Variants in VARS1 observed in about 807,000 individuals in gnomAD.
VARS1 encodes the protein valine--tRNA ligase.
A neutral mutation model predicts 161.0 loss-of-function variants in VARS1; 92 were observed. That is an observed-to-expected ratio of 0.57 (90% CI 0.48 to 0.68). The LOEUF (loss-of-function observed/expected upper bound fraction) is 0.68, where lower values mean the gene tolerates loss of function less well. Ranked by LOEUF, VARS1 falls within the 30% of genes least tolerant of loss-of-function variation. The pLI is 0.00. For missense variants in VARS1, 1,338 were observed against 1,695.9 expected (o/e 0.79, Z 3.71); for synonymous variants, 595 against 682.5 (o/e 0.87, Z 2.00).
chr6:31,789,959 G>C (rs1398217514), intron 8 of VARS1, among the ~76,000 whole-genome samples: 1 of 151,938 alleles, frequency 6.6e-6, no homozygotes. Flanking sequence ...GGGAGGCGGA[G>C]TTTGGAGCTT....
In VARS1 at chr6:31,779,189, C is replaced by G; in HGVS notation, c.3504G>C (p.Leu1168=). The change falls in exon 29 of 30, where the codon CTG becomes CTC. Residue 1168 remains leucine (L), a synonymous_variant. Transcript: ENST00000375663. The surrounding 1 kb of genome is among the most constrained non-coding windows in gnomAD (Gnocchi z 9.1). Reference sequence around the variant, plus strand: ...CGCAACCCTGGGGGGCGGGAGCCCCCAGGGCCAGAACAGCCACCACACCTG... The same window carrying G: ...CGCAACCCTGGGGGGCGGGAGCCCCGAGGGCCAGAACAGCCACCACACCTG... The part of the protein sequence containing the change: ...ASAGVVAVLA[L]GAPAPQGCAV... The G allele has an allele frequency of 1.2e-6, 2 of 1,606,342 alleles. No individual in the cohort carries two copies. The highest frequency in any genetic ancestry group is 1.7e-6 in the Non-Finnish European group (2 of 1,177,802).
At position 31,780,333 on chromosome 6, in the gene VARS1, ACTGT is replaced by A. The variant is rs142784966; in HGVS notation, c.2925+104_2925+107del. ...CCCAATGCGCTGGGCTTTCCCTTTA[ACTGT>A]CTGTCTCTGTGTCTATCTGTCCCCC... is the stretch of plus-strand genomic sequence containing the variant. On this transcript the variant is annotated intron_variant, in intron 25 of 29. Transcript: ENST00000375663. This position sits in a 1 kb window ranked among gnomAD's most constrained non-coding sequence, Gnocchi z 5.1. 18,475 of 1,540,526 alleles carry A rather than the reference ACTGT, an allele frequency of 0.012. 171 individuals carry two copies. The highest frequency in any genetic ancestry group is 0.033 in the South Asian group (2,659 of 79,640).
chr6:31,787,301 A>T lies in VARS1; in HGVS notation c.1101-1568T>A, dbSNP rs564290766. On this transcript the variant is annotated intron_variant, in intron 8 of 29. Coordinates refer to ENST00000375663, the MANE Select transcript of VARS1 (RefSeq NM_006295.3). ...AAGTAATGGGAGTGTCTCACATTTT[A>T]TTTAAACCACGTTCACTGGAAAAAA... is the stretch of plus-strand genomic sequence containing the variant. Among the ~76,000 whole-genome samples the T allele has an allele frequency of 4.8e-4, 73 of 152,266 alleles. 1 individual carries two copies. The highest frequency in any genetic ancestry group is 3.4e-3 in the Middle Eastern group (1 of 294).
In VARS1 at chr6:31,779,875, CTG is replaced by C. The variant is rs933083212; in HGVS notation, c.3082-63_3082-62del. Reference sequence around the variant, plus strand: ...GTCTAGCCTTGAGCCCTCGCTGTGCCTGTGAGGACTGGGAAGGGGATGGGTTG... The same window carrying C: ...GTCTAGCCTTGAGCCCTCGCTGTGCCTGAGGACTGGGAAGGGGATGGGTTG... On this transcript the variant is annotated intron_variant, in intron 26 of 29. Transcript: ENST00000375663. The surrounding 1 kb of genome is among the most constrained non-coding windows in gnomAD (Gnocchi z 9.1). 2 of 1,605,474 alleles carry C rather than the reference CTG, an allele frequency of 1.2e-6. No homozygotes were observed. Among genetic ancestry groups the C allele is most frequent in the African/African-American group, 2.7e-5 (2 of 74,692 alleles).
intron 13 of VARS1, 193 bp from the exon 14 acceptor site, chr6:31,783,379 G>A (rs566518258): frequency 2.2e-5 from 13 of 601,554 alleles, no homozygotes; most frequent in African/African-American, 5.6e-5. Context: ...GTGTGGTGAC[G>A]CGTGCCTGTA....
In VARS1 at chr6:31,791,444, A is replaced by G. The variant is rs1320844993; in HGVS notation, c.1100+166T>C. ...TGTTGCATGGGAGTACTGGACTAGG[A>G]GAGGAAGCTAAATGATCAGATTGGA... On this transcript the variant is annotated intron_variant, in intron 8 of 29. Transcript: ENST00000375663. The surrounding 1 kb of genome is among the most constrained non-coding windows in gnomAD (Gnocchi z 5.0). Among the ~76,000 whole-genome samples the G allele has an allele frequency of 6.6e-6, 1 of 152,166 alleles. No individual in the cohort carries two copies. Among genetic ancestry groups the G allele is most frequent in the Non-Finnish European group, 1.5e-5 (1 of 68,032 alleles).
intron 8 of VARS1, among the ~76,000 whole-genome samples, chr6:31,787,698 C>G (rs1195523940): frequency 6.6e-6 from 1 of 151,420 alleles, no homozygotes; most frequent in Non-Finnish European, 1.5e-5. Flanking sequence ...ACTTGGAGGC[C>G]AGGTATGGTG....
Position 31,785,394 on chromosome 6 carries a change from G to A in VARS1, c.1266-67C>T, listed in dbSNP as rs1167962195. ...AGAGGGAGACATCAGGTGGCTGACTGGGCAGTGTGGAGATCACCCATCCCC... is the reference window on the plus strand; with the variant it reads ...AGAGGGAGACATCAGGTGGCTGACTAGGCAGTGTGGAGATCACCCATCCCC... On this transcript the variant is annotated intron_variant, in intron 9 of 29. Transcript: ENST00000375663. This position sits in a 1 kb window ranked among gnomAD's most constrained non-coding sequence, Gnocchi z 6.1. The A allele has an allele frequency of 5.0e-6, 8 of 1,595,734 alleles. No individual in the cohort carries two copies. In the Admixed American group the frequency reaches 1.4e-4, roughly 27 times the overall value.
rs970693535 is a variant in VARS1, at chr6:31,781,295, A to G, written c.2545-172T>C. 8.4e-7 allele frequency: 1 copy of G among 1,192,238 alleles called. No homozygotes were observed. The highest frequency in any genetic ancestry group is 1.5e-5 in the African/African-American group (1 of 65,980). 73.9% of individuals were successfully genotyped at this position (1,192,238 alleles called of 1,614,324 possible). On this transcript the variant is annotated intron_variant, in intron 21 of 29. Transcript: ENST00000375663. This position sits in a 1 kb window ranked among gnomAD's most constrained non-coding sequence, Gnocchi z 6.8. ...AATCAGAAGCACTCCTTCCTCTGGG[A>G]AGATGAAGCCCTGGGCACAGGAATC...
At chr6:31,793,436 G>A (rs2607014) in intron 2 of VARS1, among the ~76,000 whole-genome samples, 11,180 of 151,568 alleles carry the variant, frequency 0.074, 527 homozygotes, top group Non-Finnish European at 0.11. Context: ...AACCCAGGAG[G>A]TGGAGCTTGC....
Position 31,782,527 on chromosome 6 carries a change from C to G in VARS1, c.1991+3G>C. The G allele has an allele frequency of 6.2e-7, 1 of 1,613,038 alleles. No homozygotes were observed. Among genetic ancestry groups the G allele is most frequent in the Non-Finnish European group, 8.5e-7 (1 of 1,180,028 alleles). ...TCCTCCCGTCCCAGGCCCCCACCCT[C>G]ACTTGCAAAGTGGCACCACCATGGG... On this transcript the variant is annotated splice_donor_region_variant and intron_variant, in intron 16 of 29. Transcript: ENST00000375663. This position sits in a 1 kb window ranked among gnomAD's most constrained non-coding sequence, Gnocchi z 8.3.
rs1207444313 is a variant in VARS1 at position 31,780,363 on chromosome 6, C to A, written c.2925+78G>T. 5.8e-6 allele frequency: 9 copies of A among 1,563,644 alleles called. No individual in the cohort carries two copies. The highest frequency in any genetic ancestry group is 2.3e-5 in the East Asian group (1 of 44,426). ...CTGTCTCTGTGTCTATCTGTCCCCC[C>A]AGCTACATGGAGGCTGCTCCGGACA... On this transcript the variant is annotated intron_variant, in intron 25 of 29. Transcript: ENST00000375663. The surrounding 1 kb of genome is among the most constrained non-coding windows in gnomAD (Gnocchi z 5.1).
In VARS1 at chr6:31,784,426, AG is replaced by A; in HGVS notation, c.1543del (p.Leu515SerfsTer33). 5.0e-6 allele frequency: 8 copies of A among 1,614,100 alleles called. No individual in the cohort carries two copies. The highest frequency in any genetic ancestry group is 5.9e-6 in the Non-Finnish European group (7 of 1,180,040). On this transcript the variant is annotated frameshift_variant, in exon 12 of 30. Transcript: ENST00000375663. LOFTEE classifies it high-confidence loss of function. This position sits in a 1 kb window ranked among gnomAD's most constrained non-coding sequence, Gnocchi z 6.1. ...GYKEKVEFGV[L>X]VSFAYKVQGS... ...TTGGACCTTATAGGCAAAGGACACG[AG>A]GACCCCGAACTCCACCTTCTCCTTG...
rs988481615 is a variant in VARS1 at position 31,780,317 on chromosome 6, C to T, written c.2925+124G>A. 9.2e-6 allele frequency: 14 copies of T among 1,527,698 alleles called. No homozygotes were observed. The African/African-American group carries it at 1.5e-4, about 17-fold the overall frequency. The allele number at this position is 1,527,698 out of a possible 1,614,324, so 94.6% of individuals were successfully genotyped here. On this transcript the variant is annotated intron_variant, in intron 25 of 29. Transcript: ENST00000375663. This position sits in a 1 kb window ranked among gnomAD's most constrained non-coding sequence, Gnocchi z 5.1. ...GTGACAGGCCCCAGCCCCCAATGCG[C>T]TGGGCTTTCCCTTTAACTGTCTGTC...
chr6:31,782,474 C>A lies in VARS1; in HGVS notation c.1992-31G>T, dbSNP rs937136570. 5 of 1,611,950 alleles carry A rather than the reference C, an allele frequency of 3.1e-6. No individual in the cohort carries two copies. The East Asian group carries it at 1.1e-4, about 36-fold the overall frequency. The stretch of plus-strand genomic sequence containing the variant: ...GGTACACGTAGGTGAGAAGGCCAGG[C>A]GGTAAAACCCTGAGGAGCCCTCCAT... On this transcript the variant is annotated intron_variant, in intron 16 of 29. Coordinates refer to ENST00000375663, the MANE Select transcript of VARS1 (RefSeq NM_006295.3). This position sits in a 1 kb window ranked among gnomAD's most constrained non-coding sequence, Gnocchi z 8.3.
Position 31,780,278 on chromosome 6 carries a change from G to T in VARS1, c.2926-125C>A. ...GTCCAAAGCAACCACCTATGTGCCA[G>T]GATCTGGGAAGAAGTGACAGGCCCC... is the stretch of plus-strand genomic sequence containing the variant. On this transcript the variant is annotated intron_variant, in intron 25 of 29. Transcript: ENST00000375663. This position sits in a 1 kb window ranked among gnomAD's most constrained non-coding sequence, Gnocchi z 5.1. 1 of 1,520,910 alleles carries T rather than the reference G, an allele frequency of 6.6e-7. No homozygotes were observed. Among genetic ancestry groups the T allele is most frequent in the Non-Finnish European group, 8.8e-7 (1 of 1,132,598 alleles). The allele number at this position is 1,520,910 out of a possible 1,614,324, so 94.2% of individuals were successfully genotyped here.
Position 31,781,102 on chromosome 6 carries a change from G to C in VARS1, c.2566C>G (p.Arg856Gly), listed in dbSNP as rs761810499. The C allele has an allele frequency of 6.2e-7, 1 of 1,613,106 alleles. No individual in the cohort carries two copies. Among genetic ancestry groups the C allele is most frequent in the Admixed American group, 1.7e-5 (1 of 60,010 alleles). ...CTCATCTTCCGGCCGTGAGCATCTC[G>C]CACGATGGCATGGAGGTAGACCTGC... ...FREVYLHAIV[R>G]DAHGRKMSKS... is the part of the protein sequence containing the mutation. The change falls in exon 22 of 30, where the codon CGA becomes GGA. Residue 856 changes from arginine to glycine, a missense_variant. Arg to Gly is a moderately radical substitution (Grantham distance 125, BLOSUM62 -2). Transcript: ENST00000375663. This position sits in a 1 kb window ranked among gnomAD's most constrained non-coding sequence, Gnocchi z 6.8.
At position 31,781,779 on chromosome 6, in the gene VARS1, T is replaced by G. The variant is rs1813164650; in HGVS notation, c.2348-18A>C. On this transcript the variant is annotated intron_variant, in intron 19 of 29. Transcript: ENST00000375663. The surrounding 1 kb of genome is among the most constrained non-coding windows in gnomAD (Gnocchi z 6.8). The stretch of plus-strand genomic sequence containing the variant: ...ATCCTCATCTGAGAGAGGCCAAAGG[T>G]CAGAGGTCAGAGGGAGTGGAGCTCT... 1.9e-6 allele frequency: 3 copies of G among 1,612,770 alleles called. No homozygotes were observed. The Admixed American group carries it at 5.0e-5, about 27-fold the overall frequency.
chr6:31,784,278 G>A lies in VARS1; in HGVS notation c.1607C>T (p.Thr536Ile). 6.2e-7 allele frequency: 1 copy of A among 1,614,200 alleles called. No individual in the cohort carries two copies. The highest frequency in any genetic ancestry group is 8.5e-7 in the Non-Finnish European group (1 of 1,180,048). ...DSDEEVVVAT[T>I]RIETMLGDVA... is the part of the protein sequence containing the mutation. ...ATCTCCCAGCATTGTCTCGATCCGAGTTGTTGCCACCACCACCTCCTCGTC... is the reference window on the plus strand; with the variant it reads ...ATCTCCCAGCATTGTCTCGATCCGAATTGTTGCCACCACCACCTCCTCGTC... The change falls in exon 13 of 30, where the codon ACT (threonine) becomes ATT (isoleucine). Residue 536 changes from threonine (T) to isoleucine (I), a missense_variant. Around this residue, in one of 3 missense-constraint regions of VARS1, gnomAD observed 902 missense variants for 1,090.3 expected, o/e 0.83. Transcript: ENST00000375663. This position sits in a 1 kb window ranked among gnomAD's most constrained non-coding sequence, Gnocchi z 6.1.
Sources: allele counts gnomAD v4.1 joint callset (sites outside exome capture counted in the v4.1 genomes callset), GRCh38; gene constraint gnomAD v4.1.1; regional missense constraint gnomAD v4.1.1; non-coding constraint Gnocchi (gnomAD v3.1); transcripts MANE v1.5; gene names NCBI Gene and HGNC (gene_info 2026-07-23, HGNC 2026-07-21).